The following RNF130 variants were observed in gnomAD, a reference collection of about 807,000 sequenced individuals.
RNF130 encodes ring finger protein 130.
RNF130 carries 21 observed loss-of-function variants against 44.6 expected under a neutral mutation model. The ratio of observed to expected loss-of-function variants is 0.47; its 90% CI spans 0.33 to 0.68. The LOEUF (loss-of-function observed/expected upper bound fraction) is 0.68, where lower values mean the gene tolerates loss of function less well. Ranked by LOEUF, RNF130 falls within the 30% of genes least tolerant of loss-of-function variation. The probability of loss-of-function intolerance (pLI) is 0.02; values close to 1 mark genes in which losing one functional copy is unlikely to be tolerated. For missense variants in RNF130, 479 were observed against 560.6 expected (o/e 0.85, Z 1.47); for synonymous variants, 214 against 210.4 (o/e 1.02, Z -0.15).
intron 1 of RNF130, among the ~76,000 whole-genome samples, chr5:180,048,387 A>G (rs1250151209): frequency 1.3e-5 from 2 of 152,188 alleles, no homozygotes; most frequent in Admixed American, 1.3e-4. Flanking sequence ...ATCAAAGGCT[A>G]CAGGATTAAC....
Position 180,040,480 on chromosome 5 carries a change from C to G in RNF130, c.415G>C (p.Glu139Gln), listed in dbSNP as rs1355405710. The G allele has an allele frequency of 1.9e-6, 3 of 1,613,488 alleles. No individual in the cohort carries two copies. Among genetic ancestry groups the G allele is most frequent in the Non-Finnish European group, 1.7e-6 (2 of 1,179,748 alleles). The change falls in exon 2 of 9, where the codon GAG (glutamate) becomes CAG (glutamine). Residue 139 changes from glutamate to glutamine, a missense_variant. Glu to Gln is a conservative substitution (Grantham distance 29). Coordinates refer to ENST00000521389, the MANE Select transcript of RNF130 (RefSeq NM_018434.6). The stretch of plus-strand genomic sequence containing the variant: ...GGATGAGTCATGGTAACTGGCTCCT[C>G]TTTGGATTTATTATTGTAGATGACT... The part of the protein sequence containing the change: ...AVVIYNNKSK[E>Q]EPVTMTHPGT...
chr5:180,003,814 C>G (rs1763401713), intron 3 of RNF130, among the ~76,000 whole-genome samples: 1 of 152,260 alleles, frequency 6.6e-6, no homozygotes, highest in South Asian at 2.1e-4. Context: ...ACCTAAACAC[C>G]ATGCCATTAA....
At chr5:180,036,027 G>A (rs1242106081) in intron 2 of RNF130, among the ~76,000 whole-genome samples, 1 of 152,144 alleles carries the variant, frequency 6.6e-6, no homozygotes, top group South Asian at 2.1e-4. Flanking sequence ...AACACTTATA[G>A]ACAGTTTCTA....
intron 2 of RNF130, among the ~76,000 whole-genome samples, chr5:180,038,081 T>C (rs1442764724): frequency 6.6e-6 from 1 of 152,214 alleles, no homozygotes; most frequent in Non-Finnish European, 1.5e-5. Context: ...TGAGACAGCT[T>C]CTAACTCTGT....
At chr5:179,980,378 T>C (rs147258638) in intron 3 of RNF130, 178 bp from the exon 4 acceptor site, 2 of 578,520 alleles carry the variant, frequency 3.5e-6, no homozygotes, top group South Asian at 4.5e-5. Flanking sequence ...AGCATTCTGG[T>C]TGAAAAGTAA....
chr5:180,036,865 A>G (rs1180243433), intron 2 of RNF130, among the ~76,000 whole-genome samples: 1 of 152,210 alleles, frequency 6.6e-6, no homozygotes, highest in African/African-American at 2.4e-5. Flanking sequence ...AACATTATAG[A>G]TACATTTACT....
At chr5:180,051,091 C>G (rs768308496) in intron 1 of RNF130, among the ~76,000 whole-genome samples, 20 of 152,134 alleles carry the variant, frequency 1.3e-4, no homozygotes, top group Non-Finnish European at 2.4e-4. Flanking sequence ...GCGTAAGCCA[C>G]CAAACCTGGC....
intron 4 of RNF130, among the ~76,000 whole-genome samples, chr5:179,979,643 C>T (rs1008892037): frequency 2.0e-5 from 3 of 152,098 alleles, no homozygotes; most frequent in Admixed American, 6.6e-5. Flanking sequence ...TAGAGGTCTC[C>T]GCCACAGCAT....
At chr5:179,999,020 G>C (rs1763271663) in intron 3 of RNF130, among the ~76,000 whole-genome samples, 1 of 149,820 alleles carries the variant, frequency 6.7e-6, no homozygotes, top group Non-Finnish European at 1.5e-5. Flanking sequence ...ATTTTATTTT[G>C]TTATTATTTT....
chr5:179,937,929 T>TGAGAGA lies in RNF130; in HGVS notation c.1151-17504_1151-17503insTCTCTC, dbSNP rs1438019287. 1.2e-3 allele frequency among the ~76,000 whole-genome samples: 160 copies of TGAGAGA among 134,588 alleles called. 1 individual carries two copies. Among genetic ancestry groups the TGAGAGA allele is most frequent in the African/African-American group, 4.5e-3 (147 of 32,580 alleles). 88.3% of individuals were successfully genotyped at this position (134,588 alleles called of 152,430 possible). A position where few individuals can be genotyped will look rare whatever the true frequency, so the allele number is the denominator to read the frequency against. On this transcript the variant is annotated intron_variant, in intron 7 of 7. Transcript: ENST00000522208. ...CTGTGTGTGTGTGTGTGTGTGTGTG[T>TGAGAGA]GTGTGAGAGAGAGAGAGAGAGAGAG...
At chr5:179,971,769 T>G (rs1762592253) in intron 5 of RNF130, among the ~76,000 whole-genome samples, 1 of 152,214 alleles carries the variant, frequency 6.6e-6, no homozygotes, top group African/African-American at 2.4e-5. Context: ...TTACAGCTGT[T>G]TAAAAATGCA....
At position 180,035,233 on chromosome 5, in the gene RNF130, C is replaced by T. The variant is rs74931337; in HGVS notation, c.442+5220G>A. Among the ~76,000 whole-genome samples, 1,083 of 152,246 alleles carry T rather than the reference C, an allele frequency of 7.1e-3. 14 individuals are homozygous for T. Among genetic ancestry groups the T allele is most frequent in the African/African-American group, 0.025 (1,034 of 41,550 alleles). On this transcript the variant is annotated intron_variant, in intron 2 of 8. Transcript: ENST00000521389. ...ACAAATTCGGATGTGTTTTCATTTTCGTTTGGTTCCAAATGTTTTTAAAAT... is the reference window on the plus strand; with the variant it reads ...ACAAATTCGGATGTGTTTTCATTTTTGTTTGGTTCCAAATGTTTTTAAAAT...
intron 3 of RNF130, among the ~76,000 whole-genome samples, chr5:180,004,929 C>G (rs1053312226): frequency 2.0e-5 from 3 of 152,086 alleles, no homozygotes; most frequent in African/African-American, 7.2e-5. Flanking sequence ...ACCATTTTTT[C>G]CCATTTTTTT....
intron 7 of RNF130, among the ~76,000 whole-genome samples, chr5:179,930,265 T>C (rs1237191861): frequency 3.3e-5 from 5 of 152,128 alleles, no homozygotes; most frequent in East Asian, 1.9e-4. Context: ...ACCACGTTGG[T>C]CAGGCTGATC....
Position 180,040,616 on chromosome 5 carries a change from G to T in RNF130, c.279C>A (p.Thr93=). 1 of 1,614,006 alleles carries T rather than the reference G, an allele frequency of 6.2e-7. No individual in the cohort carries two copies. The highest frequency in any genetic ancestry group is 1.1e-5 in the South Asian group (1 of 91,056). ...TGATATTAGGAGGGACAAAGAACCGGGTTTGTGGATCACAGCCCAGATGAT... is the reference window on the plus strand; with the variant it reads ...TGATATTAGGAGGGACAAAGAACCGTGTTTGTGGATCACAGCCCAGATGAT... ...VADHLGCDPQ[T]RFFVPPNIKQ... Residue 93 remains threonine (T), a synonymous_variant, in exon 2 of 9, where the codon ACC becomes ACA. Transcript: ENST00000521389.
At chr5:179,958,148 A>AT (rs960435753) in intron 8 of RNF130, among the ~76,000 whole-genome samples, 86 of 152,274 alleles carry the variant, frequency 5.6e-4, no homozygotes, top group African/African-American at 2.0e-3. Flanking sequence ...AAGTGCTGGG[A>AT]TTATAGGCGT....
intron 8 of RNF130, among the ~76,000 whole-genome samples, chr5:179,960,203 T>A (rs965848247): frequency 6.6e-6 from 1 of 152,234 alleles, no homozygotes; most frequent in Admixed American, 6.5e-5. Flanking sequence ...TAACCTCGCT[T>A]ACCTAGGTAC....
chr5:180,070,981 A>ACC (rs11359101), intron 1 of RNF130, among the ~76,000 whole-genome samples: 107 of 141,308 alleles, frequency 7.6e-4, no homozygotes, highest in Non-Finnish European at 1.0e-3. Flanking sequence ...TTCCATTTAC[A>ACC]CCCCCCCCCC....
In RNF130 at chr5:180,040,514, T is replaced by C. The variant is rs1304017561; in HGVS notation, c.381A>G (p.Ala127=). The change falls in exon 2 of 9, where the codon GCA becomes GCG. Residue 127 remains alanine (A), a synonymous_variant. Coordinates refer to ENST00000521389, the MANE Select transcript of RNF130 (RefSeq NM_018434.6). The part of the protein sequence containing the change: ...EKISRAAFHN[A]VAVVIYNNKS... Reference sequence around the variant, plus strand: ...TATTATTGTAGATGACTACAGCAACTGCATTGTGGAAAGCGGCCCGTGATA... The same window carrying C: ...TATTATTGTAGATGACTACAGCAACCGCATTGTGGAAAGCGGCCCGTGATA... 6.2e-7 allele frequency: 1 copy of C among 1,614,228 alleles called. No homozygotes were observed. The highest frequency in any genetic ancestry group is 8.5e-7 in the Non-Finnish European group (1 of 1,180,038).
Sources: gnomAD v4.1 joint callset for allele counts (sites outside exome capture counted in the v4.1 genomes callset) on GRCh38, gnomAD v4.1.1 for gene constraint, MANE v1.5 for transcripts, NCBI Gene and HGNC (gene_info 2026-07-23, HGNC 2026-07-21) for gene names.